The following DPYD variants were observed in gnomAD, a reference collection of about 807,000 sequenced individuals.
The protein encoded by DPYD is dihydropyrimidine dehydrogenase [NADP(+)].
DPYD carries 109 observed loss-of-function variants against 116.2 expected under a neutral mutation model. That is an observed-to-expected ratio of 0.94 (90% CI 0.80 to 1.10). The LOEUF is 1.10. Among genes scored for constraint, DPYD ranks in the 50% least tolerant of loss-of-function variants. DPYD has a pLI of 0.00. For missense variants in DPYD, 1,302 were observed against 1,254.5 expected, an observed-to-expected ratio of 1.04 and a Z score of -0.57; for synonymous variants, 440 against 432.0, an observed-to-expected ratio of 1.02 and a Z score of -0.23.
chr1:97,277,058 A>T, intron 18 of DPYD, among the ~76,000 whole-genome samples: 1 of 152,286 alleles, frequency 6.6e-6, no homozygotes, highest in African/African-American at 2.4e-5. Context: ...CTTTTGAAGC[A>T]ACCTGGATGC....
chr1:97,686,433 G>A (rs1660732772), intron 7 of DPYD, among the ~76,000 whole-genome samples: 1 of 151,482 alleles, frequency 6.6e-6, no homozygotes, highest in African/African-American at 2.4e-5. Context: ...TCAGGAGATC[G>A]AGACCATCCT....
At chr1:97,089,408 G>A (rs1392448596) in intron 21 of DPYD, among the ~76,000 whole-genome samples, 1 of 152,166 alleles carries the variant, frequency 6.6e-6, no homozygotes. Flanking sequence ...TCTCAGCGAG[G>A]AAACGAAACT....
At chr1:97,578,738 G>A (rs989147745) in intron 10 of DPYD, among the ~76,000 whole-genome samples, 2 of 152,170 alleles carry the variant, frequency 1.3e-5, no homozygotes, top group African/African-American at 4.8e-5. Context: ...GCTAGACATA[G>A]TTCCCTTTGT....
intron 16 of DPYD, among the ~76,000 whole-genome samples, chr1:97,331,009 A>G (rs1057505882): frequency 2.6e-5 from 4 of 152,214 alleles, no homozygotes; most frequent in Non-Finnish European, 5.9e-5. Flanking sequence ...CTGCAAAGCA[A>G]ATGTAATGCT....
At chr1:97,577,816 GTTAT>G (rs1557811789) in intron 10 of DPYD, among the ~76,000 whole-genome samples, 1 of 151,734 alleles carries the variant, frequency 6.6e-6, no homozygotes, top group South Asian at 2.1e-4. Context: ...TATTATTTTT[GTTAT>G]TTTTTATTTT....
intron 18 of DPYD, among the ~76,000 whole-genome samples, chr1:97,298,156 A>C (rs1558009529): frequency 1.3e-5 from 2 of 152,318 alleles, no homozygotes; most frequent in African/African-American, 4.8e-5. Flanking sequence ...TTTTGGAAAT[A>C]AGATATTCTA....
At chr1:97,126,760 A>G (rs545377617) in intron 20 of DPYD, among the ~76,000 whole-genome samples, 116 of 152,318 alleles carry the variant, frequency 7.6e-4, no homozygotes, top group African/African-American at 2.7e-3. Flanking sequence ...GTAAATGAAC[A>G]GGTGAATGGT....
At chr1:97,306,083 C>T in intron 17 of DPYD, 94 bp downstream of exon 17, 2 of 1,589,694 alleles carry the variant, frequency 1.3e-6, no homozygotes, top group Admixed American at 1.7e-5. Context: ...AAAAAATATG[C>T]ACATGTTTGT....
intron 8 of DPYD, among the ~76,000 whole-genome samples, chr1:97,619,559 C>T (rs1656506187): frequency 6.6e-6 from 1 of 152,122 alleles, no homozygotes; most frequent in South Asian, 2.1e-4. Flanking sequence ...CCGCATCCAC[C>T]CTTTTATCAA....
chr1:97,523,066 T>C (rs1648803001), intron 12 of DPYD, among the ~76,000 whole-genome samples: 1 of 152,140 alleles, frequency 6.6e-6, no homozygotes, highest in Admixed American at 6.6e-5. Flanking sequence ...AAAGCAAGAA[T>C]CATTTTATAA....
At chr1:97,672,457 A>T (rs1455285345) in intron 8 of DPYD, among the ~76,000 whole-genome samples, 1 of 152,152 alleles carries the variant, frequency 6.6e-6, no homozygotes, top group Non-Finnish European at 1.5e-5. Context: ...GCCATTTTAC[A>T]ATTACACCGA....
At chr1:97,356,205 C>T (rs569288850) in intron 16 of DPYD, among the ~76,000 whole-genome samples, 1 of 152,196 alleles carries the variant, frequency 6.6e-6, no homozygotes, top group East Asian at 1.9e-4. Context: ...TTTTCATATG[C>T]CTATTGGTCA....
At chr1:97,385,824 T>C (rs762589535) in intron 14 of DPYD, among the ~76,000 whole-genome samples, 1 of 152,150 alleles carries the variant, frequency 6.6e-6, no homozygotes, top group Non-Finnish European at 1.5e-5. Flanking sequence ...TCCTCTCAAG[T>C]AGGGACTAAC....
At position 97,078,595 on chromosome 1, in the gene DPYD, T is replaced by C; in HGVS notation, c.*381A>G. On this transcript the variant is annotated 3_prime_UTR_variant, in exon 23 of 23. Transcript: ENST00000370192. ...CTTGTATGTTAAAGAGTACTTTGTT[T>C]CAAAATGCTTAATTTCACTTACAAT... 3.9e-6 allele frequency: 1 copy of C among 255,108 alleles called. No homozygotes were observed. The highest frequency in any genetic ancestry group is 7.7e-6 in the Non-Finnish European group (1 of 129,676). 15.8% of individuals were successfully genotyped at this position (255,108 alleles called of 1,614,324 possible). A position where few individuals can be genotyped will look rare whatever the true frequency, so the allele number is the denominator to read the frequency against.
chr1:97,789,453 T>C (rs1667207614), intron 3 of DPYD, among the ~76,000 whole-genome samples: 1 of 152,222 alleles, frequency 6.6e-6, no homozygotes, highest in Non-Finnish European at 1.5e-5. Context: ...ATTATTTGCA[T>C]GTTTACTATT....
At chr1:97,564,347 C>G (rs1652372966) in intron 11 of DPYD, among the ~76,000 whole-genome samples, 4 of 152,116 alleles carry the variant, frequency 2.6e-5, no homozygotes, top group African/African-American at 9.7e-5. Flanking sequence ...TGGAATATGA[C>G]AGGCTTCTGG....
intron 18 of DPYD, among the ~76,000 whole-genome samples, chr1:97,286,343 G>T (rs1402638110): frequency 6.6e-6 from 1 of 152,156 alleles, no homozygotes; most frequent in Non-Finnish European, 1.5e-5. Context: ...CTCTCTGGCT[G>T]CCCTTAACAT....
chr1:97,195,449 T>C lies in DPYD; in HGVS notation c.2443-2201A>G, dbSNP rs80231897. 4.8e-3 allele frequency among the ~76,000 whole-genome samples: 708 copies of C among 147,268 alleles called. 6 individuals are homozygous for C. The highest frequency in any genetic ancestry group is 0.017 in the African/African-American group (675 of 40,064). Reference sequence around the variant, plus strand: ...GCCTAGCATGCTACCTGATACCTCATTGTTGCTAGGTTGGTTGAGAGAATT... The same window carrying C: ...GCCTAGCATGCTACCTGATACCTCACTGTTGCTAGGTTGGTTGAGAGAATT... On this transcript the variant is annotated intron_variant, in intron 19 of 22. Transcript: ENST00000370192.
intron 2 of DPYD, among the ~76,000 whole-genome samples, chr1:97,848,106 CT>C (rs1018529304): frequency 1.3e-5 from 2 of 151,536 alleles, no homozygotes; most frequent in Admixed American, 6.6e-5. Flanking sequence ...AATATCACTT[CT>C]TTTTTTTTGA....
Sources: allele counts gnomAD v4.1 joint callset (sites outside exome capture counted in the v4.1 genomes callset), GRCh38; gene constraint gnomAD v4.1.1; transcripts MANE v1.5; gene names NCBI Gene and HGNC (gene_info 2026-07-23, HGNC 2026-07-21).